Variants in CDC123 observed in about 807,000 individuals in gnomAD.
CDC123 encodes the protein translation initiation factor eIF2 assembly protein.
In CDC123, 37 loss-of-function variants were observed where a neutral mutation model predicts 54.4. The observed-to-expected ratio is 0.68, with a 90% confidence interval of 0.52 to 0.89. The LOEUF is 0.89. Among genes scored for constraint, CDC123 ranks in the 40% least tolerant of loss-of-function variants. The pLI, the probability that CDC123 is intolerant of heterozygous loss-of-function variation, is 0.00. For synonymous variants in CDC123, 144 were observed against 136.8 expected (o/e 1.05, Z -0.37); for missense variants, 361 against 412.1 (o/e 0.88, Z 1.07).
At chr10:12,224,013 A>ACCCTCACCCT (rs933650881) in intron 6 of CDC123, among the ~76,000 whole-genome samples, 1 of 151,954 alleles carries the variant, frequency 6.6e-6, no homozygotes, top group African/African-American at 2.4e-5. Context: ...TCCCTCGCCA[A>ACCCTCACCCT]CCCTCACCCT....
intron 7 of CDC123, 85 bp from the exon 8 acceptor site, chr10:12,234,963 T>G (rs1216000475): frequency 1.1e-6 from 1 of 924,966 alleles, no homozygotes; most frequent in Non-Finnish European, 1.7e-6. Context: ...ATGGCAATCA[T>G]TAAGATACAG....
intron 6 of CDC123, among the ~76,000 whole-genome samples, chr10:12,218,247 C>CTTTTTTTTTT (rs34125393): frequency 6.7e-4 from 80 of 119,144 alleles, no homozygotes; most frequent in East Asian, 9.3e-4. Context: ...CTTTTTTTTT[C>CTTTTTTTTTT]TTTTTTTTTT....
In CDC123 at chr10:12,230,923, G is replaced by T. The variant is rs763736435; in HGVS notation, c.441-25G>T. 17 of 1,608,812 alleles carry T rather than the reference G, an allele frequency of 1.1e-5. 1 individual carries two copies. In the South Asian group the frequency reaches 1.7e-4, roughly 16 times the overall value. On this transcript the variant is annotated intron_variant, in intron 6 of 12. Transcript: ENST00000281141. ...CTGGCACCAGTAACAAAAAGATTCA[G>T]TTGCCTTTTCTTCTTCTTCCAAAGG...
intron 10 of CDC123, among the ~76,000 whole-genome samples, chr10:12,242,252 AT>A (rs1396297949): frequency 1.3e-5 from 2 of 152,144 alleles, no homozygotes; most frequent in African/African-American, 4.8e-5. Flanking sequence ...CATCTCTGTT[AT>A]CCCTCAGGTG....
At position 12,215,664 on chromosome 10, in the gene CDC123, C is replaced by T. The variant is rs575227603; in HGVS notation, c.238-76C>T. The T allele has an allele frequency of 8.8e-5, 68 of 770,934 alleles. No homozygotes were observed. In the African/African-American group the frequency reaches 1.1e-3, roughly 12 times the overall value. 47.8% of individuals were successfully genotyped at this position (770,934 alleles called of 1,614,324 possible). A position where few individuals can be genotyped will look rare whatever the true frequency, so the allele number is the denominator to read the frequency against. ...TGTTTTTAACACCCTAAACTATAAC[C>T]TTGAGATTTTGATCTTGTTTTATAT... On this transcript the variant is annotated intron_variant, in intron 4 of 12. Transcript: ENST00000281141.
chr10:12,226,071 G>GT (rs1835808685), intron 6 of CDC123, among the ~76,000 whole-genome samples: 1 of 152,080 alleles, frequency 6.6e-6, no homozygotes, highest in Non-Finnish European at 1.5e-5. Flanking sequence ...AGAGCACGGG[G>GT]TTGGGGGTAA....
rs142243159 is a variant in CDC123, at chr10:12,246,246, G to T, written c.815G>T (p.Gly272Val). 1 of 1,614,142 alleles carries T rather than the reference G, an allele frequency of 6.2e-7. No individual in the cohort carries two copies. ...EELISENNLN[G>V]DFSEVDAQEQ... The stretch of plus-strand genomic sequence containing the variant: ...CTGATATCTGAGAACAACTTAAACG[G>T]CGATTTTAGTGAAGTTGACGCTCAA... Residue 272 changes from glycine to valine, a missense_variant, in exon 11 of 13, where the codon GGC becomes GTC. Gly to Val is a moderately radical substitution (Grantham distance 109, BLOSUM62 -3). Transcript: ENST00000281141.
chr10:12,247,462 C>T (rs1836166347), intron 11 of CDC123: 1 of 145,622 alleles, frequency 6.9e-6, no homozygotes, highest in Non-Finnish European at 1.5e-5. Flanking sequence ...CCTCAGGACA[C>T]CGTGTCCCCC....
chr10:12,200,035 A>T (rs1835418948), intron 2 of CDC123, among the ~76,000 whole-genome samples: 1 of 146,622 alleles, frequency 6.8e-6, no homozygotes. Flanking sequence ...CTTAGCCAGG[A>T]TGGTCTTGAT....
intron 6 of CDC123, among the ~76,000 whole-genome samples, chr10:12,226,386 C>G (rs1835814899): frequency 6.6e-6 from 1 of 151,056 alleles, no homozygotes; most frequent in African/African-American, 2.4e-5. Context: ...GATGGGGCGG[C>G]TGGCCGGGTG....
chr10:12,213,280 G>T (rs1191048697), intron 4 of CDC123, among the ~76,000 whole-genome samples: 3 of 152,170 alleles, frequency 2.0e-5, no homozygotes, highest in Admixed American at 2.0e-4. Flanking sequence ...TCAGTGATGG[G>T]ACAGACCTGT....
At chr10:12,217,522 C>T in intron 6 of CDC123, 55 bp downstream of exon 6, 1 of 1,562,802 alleles carries the variant, frequency 6.4e-7, no homozygotes. Context: ...GCAAATTTCT[C>T]TATAGATGAA....
chr10:12,217,278 C>T, intron 5 of CDC123, 83 bp from the exon 6 acceptor site: 1 of 1,304,204 alleles, frequency 7.7e-7, no homozygotes, highest in Non-Finnish European at 1.1e-6. Context: ...AAGTGATATG[C>T]ATTATTGATT....
intron 4 of CDC123, among the ~76,000 whole-genome samples, chr10:12,215,399 C>G (rs928872619): frequency 6.6e-6 from 1 of 152,068 alleles, no homozygotes; most frequent in Non-Finnish European, 1.5e-5. Flanking sequence ...GATATTCCAC[C>G]TGTCTATTTT....
chr10:12,205,169 GGT>G (rs1835501833), intron 2 of CDC123, among the ~76,000 whole-genome samples: 2 of 152,154 alleles, frequency 1.3e-5, no homozygotes, highest in South Asian at 2.1e-4. Flanking sequence ...GTGAAAACGT[GGT>G]GTTTGTCTTC....
At chr10:12,223,178 G>T (rs1399590805) in intron 6 of CDC123, among the ~76,000 whole-genome samples, 1 of 152,220 alleles carries the variant, frequency 6.6e-6, no homozygotes, top group Non-Finnish European at 1.5e-5. Context: ...ACAGGCTTGA[G>T]CCAGTGTGCC....
At chr10:12,243,526 C>T (rs765927017) in intron 10 of CDC123, among the ~76,000 whole-genome samples, 2 of 152,060 alleles carry the variant, frequency 1.3e-5, no homozygotes, top group Non-Finnish European at 1.5e-5. Context: ...CAGAGGGTCA[C>T]GCCTGTAATC....
At chr10:12,223,368 C>T (rs573015274) in intron 6 of CDC123, among the ~76,000 whole-genome samples, 36 of 152,216 alleles carry the variant, frequency 2.4e-4, no homozygotes, top group African/African-American at 6.7e-4. Context: ...TCACTGCAAC[C>T]GCTGCCTCCC....
intron 5 of CDC123, 25 bp downstream of exon 5, chr10:12,215,860 T>C (rs1835655393): frequency 1.4e-6 from 2 of 1,427,748 alleles, no homozygotes; most frequent in Non-Finnish European, 1.9e-6. Flanking sequence ...GTAATTCTCT[T>C]ACTGTTTGAA....
Sources: gnomAD v4.1 joint callset for allele counts (sites outside exome capture counted in the v4.1 genomes callset) on GRCh38, gnomAD v4.1.1 for gene constraint, MANE v1.5 for transcripts, NCBI Gene and HGNC (gene_info 2026-07-23, HGNC 2026-07-21) for gene names.